KCNB2: variants seen among roughly 807,000 people sequenced by gnomAD.
KCNB2 encodes delayed rectifier potassium channel protein.
KCNB2 carries 15 observed loss-of-function variants against 61.5 expected under a neutral mutation model. The ratio of observed to expected loss-of-function variants is 0.24; its 90% CI spans 0.16 to 0.38. KCNB2 has a LOEUF of 0.38. Among genes scored for constraint, KCNB2 ranks in the 10% least tolerant of loss-of-function variants. KCNB2 has a pLI of 1.00. For synonymous variants in KCNB2, 457 were observed against 446.0 expected (o/e 1.02, Z -0.31); for missense variants, 828 against 1,125.2 (o/e 0.74, Z 3.78).
intron 2 of KCNB2, among the ~76,000 whole-genome samples, chr8:72,818,337 A>G (rs1358776739): frequency 1.3e-5 from 2 of 152,190 alleles, no homozygotes; most frequent in Admixed American, 1.3e-4. Flanking sequence ...ATCCAAATCC[A>G]ATATTGTTTG....
intron 2 of KCNB2, among the ~76,000 whole-genome samples, chr8:72,676,177 T>C (rs1417511692): frequency 6.6e-6 from 1 of 152,164 alleles, no homozygotes; most frequent in Non-Finnish European, 1.5e-5. Context: ...GAAATGACAA[T>C]ATTTCTTTTG....
intron 2 of KCNB2, among the ~76,000 whole-genome samples, chr8:72,654,979 A>G (rs1376383522): frequency 6.6e-6 from 1 of 152,172 alleles, no homozygotes; most frequent in Non-Finnish European, 1.5e-5. Flanking sequence ...TCATTCTTCC[A>G]TAAAGACACT....
chr8:72,592,161 AAGAG>A (rs998279944), intron 2 of KCNB2, among the ~76,000 whole-genome samples: 1 of 152,138 alleles, frequency 6.6e-6, no homozygotes, highest in Non-Finnish European at 1.5e-5. Flanking sequence ...GAAACATAGA[AAGAG>A]AGAGTCATCT....
intron 2 of KCNB2, among the ~76,000 whole-genome samples, chr8:72,886,669 C>T (rs1805811695): frequency 6.6e-6 from 1 of 152,224 alleles, no homozygotes; most frequent in South Asian, 2.1e-4. Flanking sequence ...AAGCCTAGAG[C>T]TGGCCTCGAC....
intron 2 of KCNB2, among the ~76,000 whole-genome samples, chr8:72,608,685 A>G (rs976382): frequency 1 from 152,275 of 152,276 alleles, 76,137 homozygotes; most frequent in Middle Eastern, 1. Flanking sequence ...AACTGATAAA[A>G]AATAGAAATT....
At chr8:72,684,264 A>T (rs1244553974) in intron 2 of KCNB2, among the ~76,000 whole-genome samples, 1 of 152,226 alleles carries the variant, frequency 6.6e-6, no homozygotes, top group African/African-American at 2.4e-5. Flanking sequence ...ATACAAAATA[A>T]GGTGTACCGT....
At chr8:72,629,733 TG>T (rs1805849242) in intron 2 of KCNB2, among the ~76,000 whole-genome samples, 2 of 152,184 alleles carry the variant, frequency 1.3e-5, no homozygotes, top group Non-Finnish European at 2.9e-5. Context: ...GAACAACACA[TG>T]GCCCCTTTAA....
chr8:72,912,629 C>A (rs1806320562), intron 2 of KCNB2, among the ~76,000 whole-genome samples: 1 of 151,710 alleles, frequency 6.6e-6, no homozygotes, highest in Non-Finnish European at 1.5e-5. Context: ...TTAACCTCTA[C>A]AACAACTTTA....
intron 2 of KCNB2, among the ~76,000 whole-genome samples, chr8:72,799,904 A>G (rs1246418333): frequency 6.6e-6 from 1 of 152,158 alleles, no homozygotes; most frequent in Non-Finnish European, 1.5e-5. Flanking sequence ...AGAGCAGGAC[A>G]GTTTACCTGT....
intron 2 of KCNB2, among the ~76,000 whole-genome samples, chr8:72,765,851 G>T (rs1281399839): frequency 6.6e-6 from 1 of 152,140 alleles, no homozygotes; most frequent in South Asian, 2.1e-4. Context: ...AATTTTTAAC[G>T]CATTACAAAG....
intron 2 of KCNB2, among the ~76,000 whole-genome samples, chr8:72,651,825 G>C (rs1454006126): frequency 6.6e-6 from 1 of 152,014 alleles, no homozygotes; most frequent in Non-Finnish European, 1.5e-5. Flanking sequence ...CCCTAATTTA[G>C]TATATGTAAC....
intron 2 of KCNB2, among the ~76,000 whole-genome samples, chr8:72,658,921 A>G (rs1595875): frequency 0.14 from 21,675 of 152,144 alleles, 1,755 homozygotes; most frequent in East Asian, 0.23. Flanking sequence ...ATTACTGCTC[A>G]CTGACAATGC....
chr8:72,548,125 T>A (rs1806287438), intron 1 of KCNB2, among the ~76,000 whole-genome samples: 1 of 152,232 alleles, frequency 6.6e-6, no homozygotes, highest in Non-Finnish European at 1.5e-5. Context: ...TGAACATTTT[T>A]AATCGAAATA....
chr8:72,676,021 G>A (rs1041058926), intron 2 of KCNB2, among the ~76,000 whole-genome samples: 10 of 152,120 alleles, frequency 6.6e-5, no homozygotes, highest in African/African-American at 2.4e-5. Flanking sequence ...TTCACTTAAA[G>A]ACAGGGATAT....
intron 2 of KCNB2, among the ~76,000 whole-genome samples, chr8:72,919,626 A>G (rs544901248): frequency 6.6e-6 from 1 of 152,222 alleles, no homozygotes; most frequent in Non-Finnish European, 1.5e-5. Flanking sequence ...TGGAGTGACC[A>G]TATGTAGGTC....
intron 1 of KCNB2, among the ~76,000 whole-genome samples, chr8:72,548,064 G>T (rs1806286216): frequency 6.6e-6 from 1 of 152,058 alleles, no homozygotes; most frequent in African/African-American, 2.4e-5. Context: ...TTCCCTGAAG[G>T]CTCTGAGGAT....
At chr8:72,717,464 G>C (rs1807465681) in intron 2 of KCNB2, among the ~76,000 whole-genome samples, 1 of 148,878 alleles carries the variant, frequency 6.7e-6, no homozygotes, top group Admixed American at 6.6e-5. Flanking sequence ...CCAAAACAGA[G>C]ATATAGACCA....
At chr8:72,561,959 T>A (rs1177581322) in intron 1 of KCNB2, among the ~76,000 whole-genome samples, 4 of 151,310 alleles carry the variant, frequency 2.6e-5, no homozygotes, top group Non-Finnish European at 5.9e-5. Flanking sequence ...AGATATCTAC[T>A]GCAAATCATC....
chr8:72,936,264 C>T lies in KCNB2; in HGVS notation c.909C>T (p.Phe303=), dbSNP rs1806901965. ...ACGTGAGGCGCGTGGTCCAGATCTT[C>T]CGAATCATGCGCATCCTCAGGATCC... is the stretch of plus-strand genomic sequence containing the variant. The part of the protein sequence containing the change: ...FQNVRRVVQI[F]RIMRILRILK... The change falls in exon 3 of 3, where the codon TTC becomes TTT. Residue 303 remains phenylalanine (F), a synonymous_variant. Transcript: ENST00000523207. This position sits in a 1 kb window ranked among gnomAD's most constrained non-coding sequence, Gnocchi z 5.6. 1 of 1,614,134 alleles carries T rather than the reference C, an allele frequency of 6.2e-7. No homozygotes were observed. Among genetic ancestry groups the T allele is most frequent in the Non-Finnish European group, 8.5e-7 (1 of 1,180,046 alleles).
Sources: gnomAD v4.1 joint callset for allele counts (sites outside exome capture counted in the v4.1 genomes callset) on GRCh38, gnomAD v4.1.1 for gene constraint, Gnocchi (gnomAD v3.1) non-coding constraint, MANE v1.5 for transcripts, NCBI Gene and HGNC (gene_info 2026-07-23, HGNC 2026-07-21) for gene names.